CRPPA: variants seen among roughly 807,000 people sequenced by gnomAD.
CRPPA encodes D-ribitol-5-phosphate cytidylyltransferase.
CRPPA carries 43 observed loss-of-function variants against 52.0 expected under a neutral mutation model. The observed-to-expected ratio is 0.83, with a 90% CI of 0.65 to 1.07. The LOEUF (loss-of-function observed/expected upper bound fraction) is 1.07. Among genes scored for constraint, CRPPA ranks in the 50% least tolerant of loss-of-function variants. The probability of loss-of-function intolerance (pLI) is 0.00; values close to 1 mark genes in which losing one functional copy is unlikely to be tolerated. For missense variants in CRPPA, 629 were observed against 551.7 expected (o/e 1.14, Z -1.40); for synonymous variants, 250 against 203.5 (o/e 1.23, Z -1.94).
At chr7:16,137,035 C>T (rs10252065) in intron 9 of CRPPA, among the ~76,000 whole-genome samples, 87 of 152,334 alleles carry the variant, frequency 5.7e-4, no homozygotes, top group African/African-American at 2.0e-3. Context: ...AATATTTCAA[C>T]CTTTTTGATG....
At chr7:16,137,023 C>T (rs1008559437) in intron 9 of CRPPA, among the ~76,000 whole-genome samples, 5 of 152,224 alleles carry the variant, frequency 3.3e-5, no homozygotes, top group Admixed American at 3.3e-4. Context: ...CTCTTGCAAT[C>T]TAATATTTCA....
At chr7:16,212,104 T>C (rs1303734074) in intron 9 of CRPPA, among the ~76,000 whole-genome samples, 1 of 152,120 alleles carries the variant, frequency 6.6e-6, no homozygotes, top group Non-Finnish European at 1.5e-5. Context: ...AACTTTCTTA[T>C]TTGTATGTCT....
rs1421089209 is a variant in CRPPA, at chr7:16,091,771, C to T, written c.1280G>A (p.Arg427Lys). The change falls in exon 10 of 10, where the codon AGG becomes AAG. Residue 427 changes from arginine (R) to lysine (K), a missense_variant. Arg to Lys is a conservative substitution (Grantham distance 26). Coordinates refer to ENST00000407010, the MANE Select transcript of CRPPA (RefSeq NM_001101426.4). Reference sequence around the variant, plus strand: ...TGAAGCAATAATGATAGCACCTTGCCTTAAACTCTCCTGTAGCTTCTGATC... The same window carrying T: ...TGAAGCAATAATGATAGCACCTTGCTTTAAACTCTCCTGTAGCTTCTGATC... ...QDDQKLQESL[R>K]QGAIIIASLI... The T allele has an allele frequency of 6.4e-7, 1 of 1,551,244 alleles. No homozygotes were observed. The highest frequency in any genetic ancestry group is 2.4e-5 in the East Asian group (1 of 42,192).
intron 9 of CRPPA, among the ~76,000 whole-genome samples, chr7:16,180,450 T>C (rs1781388837): frequency 6.6e-6 from 1 of 152,148 alleles, no homozygotes; most frequent in Non-Finnish European, 1.5e-5. Context: ...TGAGTGTATT[T>C]GTTACACTTT....
chr7:16,163,061 C>A (rs1780946465), intron 9 of CRPPA, among the ~76,000 whole-genome samples: 1 of 150,190 alleles, frequency 6.7e-6, no homozygotes, highest in African/African-American at 2.4e-5. Flanking sequence ...GCAAGCTCCA[C>A]CTCCCGGGTT....
intron 9 of CRPPA, among the ~76,000 whole-genome samples, chr7:16,190,403 A>G (rs1583418072): frequency 6.6e-6 from 1 of 152,194 alleles, no homozygotes; most frequent in African/African-American, 2.4e-5. Context: ...AAGTATGGTA[A>G]ATTAGGTCAC....
chr7:16,129,002 T>C (rs1461824074), intron 9 of CRPPA, among the ~76,000 whole-genome samples: 1 of 152,212 alleles, frequency 6.6e-6, no homozygotes, highest in Non-Finnish European at 1.5e-5. Context: ...GCTTCAAGTA[T>C]TGTAGCTAAA....
chr7:16,308,819 C>T (rs1413759858), intron 3 of CRPPA, among the ~76,000 whole-genome samples, 192 bp from the exon 4 acceptor site: 1 of 152,202 alleles, frequency 6.6e-6, no homozygotes, highest in East Asian at 1.9e-4. Flanking sequence ...CTGCAACCAT[C>T]ACGTGAAGCA....
chr7:16,278,229 G>T lies in CRPPA; in HGVS notation c.836-3C>A. The T allele has an allele frequency of 2.1e-6, 3 of 1,459,212 alleles. No homozygotes were observed. The highest frequency in any genetic ancestry group is 2.8e-6 in the Non-Finnish European group (3 of 1,074,864). The allele number at this position is 1,459,212 out of a possible 1,614,324, so 90.4% of individuals were successfully genotyped here. Reference sequence around the variant, plus strand: ...ACAAATCTCTTGGGAAATTCTCTCTGAAATTAAAAAAAAAAAGTTTTAAGT... The same window carrying T: ...ACAAATCTCTTGGGAAATTCTCTCTTAAATTAAAAAAAAAAAGTTTTAAGT... On this transcript the variant is annotated splice_polypyrimidine_tract_variant and splice_region_variant and intron_variant, in intron 5 of 9. Transcript: ENST00000407010.
intron 9 of CRPPA, among the ~76,000 whole-genome samples, chr7:16,146,324 A>G (rs1235152778): frequency 6.6e-6 from 1 of 152,096 alleles, no homozygotes; most frequent in Non-Finnish European, 1.5e-5. Context: ...TTCCAGACAA[A>G]TAAAAACTGA....
intron 3 of CRPPA, among the ~76,000 whole-genome samples, chr7:16,329,621 G>A (rs1785502994): frequency 1.3e-5 from 2 of 152,144 alleles, no homozygotes; most frequent in Non-Finnish European, 2.9e-5. Flanking sequence ...TACAAGTATT[G>A]TATCAGACCC....
intron 6 of CRPPA, among the ~76,000 whole-genome samples, chr7:16,265,319 A>AAT (rs1783925024): frequency 6.6e-6 from 1 of 152,188 alleles, no homozygotes; most frequent in African/African-American, 2.4e-5. Context: ...TACTATAACC[A>AAT]AGGTTCTGAG....
At chr7:16,326,199 C>T (rs1785384997) in intron 3 of CRPPA, among the ~76,000 whole-genome samples, 1 of 151,992 alleles carries the variant, frequency 6.6e-6, no homozygotes, top group African/African-American at 2.4e-5. Flanking sequence ...GACATTTATT[C>T]CTTGGTATTT....
intron 3 of CRPPA, among the ~76,000 whole-genome samples, chr7:16,363,788 C>T (rs1016788671): frequency 2.6e-5 from 4 of 152,050 alleles, no homozygotes; most frequent in South Asian, 2.1e-4. Context: ...ACAAATATGT[C>T]GTTATTGCAG....
At chr7:16,231,996 C>A (rs1918266) in intron 8 of CRPPA, among the ~76,000 whole-genome samples, 49,364 of 152,002 alleles carry the variant, frequency 0.32, 9,264 homozygotes, top group Admixed American at 0.42. Flanking sequence ...CTGGGGAGAC[C>A]AAGGTAGACA....
intron 9 of CRPPA, among the ~76,000 whole-genome samples, chr7:16,102,647 G>T (rs1199809041): frequency 1.3e-5 from 2 of 152,110 alleles, no homozygotes; most frequent in East Asian, 3.9e-4. Context: ...CGTGGGCAAA[G>T]GATATAAACA....
chr7:16,409,609 C>T (rs78580863), intron 1 of CRPPA, among the ~76,000 whole-genome samples: 2 of 152,262 alleles, frequency 1.3e-5, no homozygotes, highest in East Asian at 3.9e-4. Context: ...CAAAATAATA[C>T]AAGTATCACA....
In CRPPA at chr7:16,130,894, T is replaced by C. The variant is rs149354092; in HGVS notation, c.1252-39095A>G. The stretch of plus-strand genomic sequence containing the variant: ...GTCATAAGGACAGAGCCATCATTAC[T>C]GGGATTAGTGCCCTTATACAAGTGA... On this transcript the variant is annotated intron_variant, in intron 9 of 9. Transcript: ENST00000407010. Among the ~76,000 whole-genome samples, 520 of 152,218 alleles carry C rather than the reference T, an allele frequency of 3.4e-3. 1 individual carries two copies. Among genetic ancestry groups the C allele is most frequent in the Non-Finnish European group, 6.2e-3 (425 of 68,018 alleles).
At chr7:16,140,746 C>A (rs1782853928) in intron 9 of CRPPA, among the ~76,000 whole-genome samples, 1 of 152,188 alleles carries the variant, frequency 6.6e-6, no homozygotes, top group Non-Finnish European at 1.5e-5. Flanking sequence ...CCAGCATCTC[C>A]TGTATATCTT....
Sources: gnomAD v4.1 joint callset for allele counts (sites outside exome capture counted in the v4.1 genomes callset) on GRCh38, gnomAD v4.1.1 for gene constraint, MANE v1.5 for transcripts, NCBI Gene and HGNC (gene_info 2026-07-23, HGNC 2026-07-21) for gene names.